Variants in ATPSCKMT observed in about 807,000 individuals in gnomAD.
ATPSCKMT encodes ATP synthase subunit C lysine N-methyltransferase.
Under a neutral mutation model 24.3 loss-of-function variants are expected in ATPSCKMT, and 24 were observed. The observed-to-expected ratio is 0.99, with a 90% CI of 0.71 to 1.39. The LOEUF (loss-of-function observed/expected upper bound fraction) is 1.39. Ranked by LOEUF, ATPSCKMT falls within the 40% of genes most tolerant of loss-of-function variation. The pLI is 0.00. For synonymous variants in ATPSCKMT, 95 were observed against 110.5 expected (o/e 0.86, Z 0.88); for missense variants, 311 against 298.4 (o/e 1.04, Z -0.31).
chr5:10,247,578 C>A (rs1744992367), intron 1 of ATPSCKMT, among the ~76,000 whole-genome samples: 1 of 152,198 alleles, frequency 6.6e-6, no homozygotes, highest in Non-Finnish European at 1.5e-5. Context: ...CTCCTGGGCT[C>A]AAGCAATTCT....
chr5:10,236,664 T>A (rs1240434045), intron 2 of ATPSCKMT, 49 bp from the exon 3 acceptor site: 1 of 1,599,320 alleles, frequency 6.3e-7, no homozygotes. Flanking sequence ...AAAATGAACA[T>A]ACATGGTCAA....
At chr5:10,228,564 C>T (rs1743986411) in intron 4 of ATPSCKMT, among the ~76,000 whole-genome samples, 1 of 152,202 alleles carries the variant, frequency 6.6e-6, no homozygotes, top group South Asian at 2.1e-4. Context: ...ACCACCTTCA[C>T]ATCCTAAAAA....
chr5:10,236,960 T>TG (rs1744403735), intron 2 of ATPSCKMT: 1 of 1,324,352 alleles, frequency 7.6e-7, no homozygotes. Flanking sequence ...TCTCCATCAG[T>TG]GGGCTAGCAC....
Position 10,239,178 on chromosome 5 carries a change from T to G in ATPSCKMT, c.195A>C (p.Lys65Asn), listed in dbSNP as rs1379482389. 2.5e-6 allele frequency: 4 copies of G among 1,614,032 alleles called. No homozygotes were observed. The African/African-American group carries it at 5.3e-5, about 22-fold the overall frequency. ...ATPFVTPALR[K>N]VCLPFVPATT... ...TTGCAGGTACAAACGGCAAACAGACTTTTCGAAGGGCTGGCGTTACAAACG... is the reference window on the plus strand; with the variant it reads ...TTGCAGGTACAAACGGCAAACAGACGTTTCGAAGGGCTGGCGTTACAAACG... Residue 65 changes from lysine (K) to asparagine (N), a missense_variant, in exon 2 of 5, where the codon AAA (lysine) becomes AAC (asparagine). Lys to Asn is a moderately conservative substitution (Grantham distance 94). Coordinates refer to ENST00000511437, the MANE Select transcript of ATPSCKMT (RefSeq NM_199133.4).
In ATPSCKMT at chr5:10,227,555, G is replaced by C. The variant is rs1480030224; in HGVS notation, c.588C>G (p.Asp196Glu). 1 of 1,614,202 alleles carries C rather than the reference G, an allele frequency of 6.2e-7. No homozygotes were observed. The change falls in exon 5 of 5, where the codon GAC (aspartate) becomes GAG (glutamate). Residue 196 changes from aspartate (D) to glutamate (E), a missense_variant. By Grantham distance (45) the Asp-to-Glu change is conservative. Coordinates refer to ENST00000511437, the MANE Select transcript of ATPSCKMT (RefSeq NM_199133.4). ...CRFPFPHWTPDHVTGEGIDTV... is the reference protein window; with the variant it reads ...CRFPFPHWTPEHVTGEGIDTV... ...TGTCTATCCCCTCCCCCGTGACGTG[G>C]TCTGGAGTCCAATGTGGGAAAGGGA...
intron 2 of ATPSCKMT, 39 bp downstream of exon 2, chr5:10,239,028 T>C: frequency 6.3e-7 from 1 of 1,584,794 alleles, no homozygotes; most frequent in East Asian, 2.2e-5. Context: ...AAATTTTAAG[T>C]TCTGGTTTCA....
chr5:10,237,405 T>C (rs559235107), intron 2 of ATPSCKMT, among the ~76,000 whole-genome samples: 32 of 152,368 alleles, frequency 2.1e-4, no homozygotes, highest in South Asian at 8.3e-4. Flanking sequence ...GGTTTGGCTC[T>C]GTGTCCCCAC....
intron 3 of ATPSCKMT, 48 bp downstream of exon 3, chr5:10,236,430 T>A: frequency 6.3e-7 from 1 of 1,575,368 alleles, no homozygotes; most frequent in Admixed American, 1.9e-5. Context: ...TTTTGAATAA[T>A]AAAATTTTCC....
In ATPSCKMT at chr5:10,247,514, A is replaced by C. The variant is rs960550771; in HGVS notation, c.16+2344T>G. Among the ~76,000 whole-genome samples the C allele has an allele frequency of 3.3e-5, 5 of 151,998 alleles. No homozygotes were observed. In the East Asian group the frequency reaches 7.7e-4, roughly 24 times the overall value. On this transcript the variant is annotated intron_variant, in intron 1 of 4. Coordinates refer to ENST00000511437, the MANE Select transcript of ATPSCKMT (RefSeq NM_199133.4). ...TGCCACCACACCCAGCTAATTTTTTAAATTTTTTTCTTTAGAGACAGGGTC... is the reference window on the plus strand; with the variant it reads ...TGCCACCACACCCAGCTAATTTTTTCAATTTTTTTCTTTAGAGACAGGGTC...
At chr5:10,249,411 C>T in intron 1 of ATPSCKMT, 1 of 188,334 alleles carries the variant, frequency 5.3e-6, no homozygotes, top group Non-Finnish European at 1.1e-5. Context: ...TGCCAGGCAC[C>T]GTTCTCCTTG....
chr5:10,240,925 G>A (rs2126454625), intron 1 of ATPSCKMT, among the ~76,000 whole-genome samples: 1 of 149,490 alleles, frequency 6.7e-6, no homozygotes, highest in African/African-American at 2.5e-5. Context: ...GAACCCGGGA[G>A]GCAGAGCTTG....
intron 1 of ATPSCKMT, among the ~76,000 whole-genome samples, chr5:10,245,593 A>G (rs1297654693): frequency 5.3e-5 from 8 of 151,968 alleles, no homozygotes; most frequent in Non-Finnish European, 1.5e-5. Context: ...CAAAAATGCA[A>G]AAAATTAGCC....
intron 2 of ATPSCKMT, 108 bp downstream of exon 2, chr5:10,238,959 T>A: frequency 7.5e-7 from 1 of 1,339,070 alleles, no homozygotes; most frequent in Non-Finnish European, 1.0e-6. Flanking sequence ...AAATGAGCAC[T>A]CTTTCAAGCT....
rs1743866475 is a variant in ATPSCKMT at position 10,226,106 on chromosome 5, A to G, written c.*1335T>C. Among the ~76,000 whole-genome samples, 1 of 152,162 alleles carries G rather than the reference A, an allele frequency of 6.6e-6. No individual in the cohort carries two copies. ...TCAGACTCACACAGGTGCTCTCTACACCATCACACTGTTTACTTCAGAGAA... is the reference window on the plus strand; with the variant it reads ...TCAGACTCACACAGGTGCTCTCTACGCCATCACACTGTTTACTTCAGAGAA... On this transcript the variant is annotated 3_prime_UTR_variant, in exon 5 of 5. Transcript: ENST00000511437.
intron 1 of ATPSCKMT, among the ~76,000 whole-genome samples, chr5:10,241,452 ACCCTCAGGG>A (rs1744642620): frequency 6.6e-6 from 1 of 152,204 alleles, no homozygotes; most frequent in Non-Finnish European, 1.5e-5. Context: ...GCAGTGGGTC[ACCCTCAGGG>A]CAGCCAGCCA....
intron 2 of ATPSCKMT, 69 bp downstream of exon 2, chr5:10,238,998 C>T (rs1219376096): frequency 6.5e-7 from 1 of 1,538,782 alleles, no homozygotes; most frequent in African/African-American, 1.4e-5. Context: ...TTTGTGTAAG[C>T]CTTACTAAAT....
chr5:10,249,708 CT>C, intron 1 of ATPSCKMT, 149 bp downstream of exon 1: 1 of 1,282,858 alleles, frequency 7.8e-7, no homozygotes, highest in Non-Finnish European at 1.1e-6. Flanking sequence ...ACCAGGAGCT[CT>C]GGTCACCGAA....
intron 1 of ATPSCKMT, chr5:10,249,649 C>T: frequency 4.0e-6 from 3 of 754,224 alleles, no homozygotes; most frequent in Non-Finnish European, 6.1e-6. Context: ...TCTGGGGAAA[C>T]GCGCCCGCCG....
rs1337527598 is a variant in ATPSCKMT, at chr5:10,227,532, T to C, written c.611A>G (p.Asp204Gly). The stretch of plus-strand genomic sequence containing the variant: ...GCTTGCATCATATGCCCACACTGTG[T>C]CTATCCCCTCCCCCGTGACGTGGTC... ...TPDHVTGEGI[D>G]TVWAYDASTF... The change falls in exon 5 of 5, where the codon GAC becomes GGC. Residue 204 changes from aspartate to glycine, a missense_variant. Physicochemically the swap from Asp to Gly is moderately conservative, Grantham distance 94 (BLOSUM62 -1). Coordinates refer to ENST00000511437, the MANE Select transcript of ATPSCKMT (RefSeq NM_199133.4). The C allele has an allele frequency of 2.3e-5, 37 of 1,614,084 alleles. No individual in the cohort carries two copies. Among genetic ancestry groups the C allele is most frequent in the Non-Finnish European group, 3.1e-5 (36 of 1,180,042 alleles).
Sources: gnomAD v4.1 joint callset for allele counts (sites outside exome capture counted in the v4.1 genomes callset) on GRCh38, gnomAD v4.1.1 for gene constraint, MANE v1.5 for transcripts, NCBI Gene and HGNC (gene_info 2026-07-23, HGNC 2026-07-21) for gene names.